CPED1: variants seen among roughly 807,000 people sequenced by gnomAD.
CPED1 encodes the protein cadherin-like and PC-esterase domain-containing protein 1.
In CPED1, 114 loss-of-function variants were observed where a neutral mutation model predicts 128.2. The ratio of observed to expected loss-of-function variants is 0.89; its 90% confidence interval spans 0.76 to 1.04. The LOEUF is 1.04. Among genes scored for constraint, CPED1 ranks in the 50% least tolerant of loss-of-function variants. CPED1 has a pLI of 0.00. For synonymous variants in CPED1, 462 were observed against 426.7 expected, an observed-to-expected ratio of 1.08 and a Z score of -1.02; for missense variants, 1,211 against 1,207.1, an observed-to-expected ratio of 1.00 and a Z score of -0.05.
chr7:121,152,829 T>C (rs1422563210), intron 16 of CPED1, among the ~76,000 whole-genome samples: 1 of 152,192 alleles, frequency 6.6e-6, no homozygotes, highest in Non-Finnish European at 1.5e-5. Context: ...ATGAAGGACT[T>C]TGTAGCATGA....
chr7:121,023,150 A>C (rs535257137), intron 3 of CPED1, among the ~76,000 whole-genome samples: 51 of 152,252 alleles, frequency 3.3e-4, no homozygotes, highest in Non-Finnish European at 7.4e-4. Flanking sequence ...CGTATACTTC[A>C]AGAGGGTTTA....
intron 22 of CPED1, among the ~76,000 whole-genome samples, chr7:121,285,691 G>A (rs777917726): frequency 6.6e-6 from 1 of 152,154 alleles, no homozygotes. Context: ...GACCACCTCA[G>A]CCTGGACTTT....
intron 18 of CPED1, among the ~76,000 whole-genome samples, chr7:121,262,247 A>G (rs897987574): frequency 1.3e-5 from 2 of 152,048 alleles, no homozygotes; most frequent in African/African-American, 2.4e-5. Context: ...CCATGCTTGT[A>G]TAGCCTGCAG....
At chr7:121,279,849 T>C (rs1792420538) in intron 22 of CPED1, among the ~76,000 whole-genome samples, 1 of 152,188 alleles carries the variant, frequency 6.6e-6, no homozygotes, top group Non-Finnish European at 1.5e-5. Flanking sequence ...GAAGGTAAAG[T>C]TGGCGTGTGA....
intron 16 of CPED1, among the ~76,000 whole-genome samples, chr7:121,199,088 A>G (rs757951687): frequency 3.3e-4 from 50 of 152,294 alleles, no homozygotes; most frequent in Middle Eastern, 3.4e-3. Flanking sequence ...TTGCTTTGAA[A>G]TAGGAATTAC....
chr7:121,052,835 G>A (rs966155132), intron 4 of CPED1, among the ~76,000 whole-genome samples: 21 of 151,956 alleles, frequency 1.4e-4, no homozygotes, highest in Admixed American at 1.2e-3. Context: ...TGATTCTCAC[G>A]CTCAGCTTCC....
At chr7:121,013,565 C>T (rs538934051) in intron 2 of CPED1, among the ~76,000 whole-genome samples, 9 of 152,314 alleles carry the variant, frequency 5.9e-5, no homozygotes, top group African/African-American at 2.2e-4. Flanking sequence ...GCGCCTCCTA[C>T]ATAGCAGGCA....
At chr7:121,237,280 T>C (rs1584620907) in intron 17 of CPED1, among the ~76,000 whole-genome samples, 1 of 152,172 alleles carries the variant, frequency 6.6e-6, no homozygotes, top group African/African-American at 2.4e-5. Flanking sequence ...TACTAATTCA[T>C]TTGGCACCAT....
intron 18 of CPED1, among the ~76,000 whole-genome samples, chr7:121,260,848 G>A (rs1791999100): frequency 6.6e-6 from 1 of 152,044 alleles, no homozygotes; most frequent in Admixed American, 6.6e-5. Flanking sequence ...TGTAAATATT[G>A]ACGATAAAAC....
chr7:121,089,943 A>G (rs1440993653), intron 5 of CPED1, among the ~76,000 whole-genome samples: 1 of 152,220 alleles, frequency 6.6e-6, no homozygotes, highest in Non-Finnish European at 1.5e-5. Context: ...TAAAGTAATA[A>G]AACAATCTTT....
chr7:121,266,521 A>G, intron 19 of CPED1, 74 bp downstream of exon 19: 3 of 1,295,498 alleles, frequency 2.3e-6, no homozygotes, highest in East Asian at 2.3e-5. Flanking sequence ...TCACTGCTCA[A>G]CTACTCACTG....
At chr7:121,112,215 T>C (rs114935307) in intron 7 of CPED1, among the ~76,000 whole-genome samples, 323 of 152,324 alleles carry the variant, frequency 2.1e-3, no homozygotes, top group African/African-American at 7.4e-3. Context: ...CATAAGGATA[T>C]GTCCATATCC....
chr7:121,063,731 T>C (rs1419940673), intron 4 of CPED1, among the ~76,000 whole-genome samples: 1 of 152,168 alleles, frequency 6.6e-6, no homozygotes, highest in South Asian at 2.1e-4. Flanking sequence ...TTATAATCTT[T>C]TCAAACTCCA....
intron 3 of CPED1, among the ~76,000 whole-genome samples, chr7:121,016,607 C>T (rs1792307850): frequency 6.6e-6 from 1 of 152,188 alleles, no homozygotes; most frequent in Non-Finnish European, 1.5e-5. Context: ...TCGCATCTTA[C>T]ATCTGGTGTG....
chr7:121,050,262 C>A (rs372877267), intron 4 of CPED1: 1 of 152,286 alleles, frequency 6.6e-6, no homozygotes, highest in Non-Finnish European at 1.5e-5. Context: ...ATTCTGCTTA[C>A]CTGGATTTTA....
chr7:121,256,143 A>C (rs570842718), intron 18 of CPED1, among the ~76,000 whole-genome samples: 4 of 139,760 alleles, frequency 2.9e-5, no homozygotes, highest in South Asian at 4.6e-4. Context: ...AAAAAAAAAC[A>C]AAGCTTATGC....
chr7:121,076,664 CTCT>C (rs1794131715), intron 5 of CPED1: 1 of 152,140 alleles, frequency 6.6e-6, no homozygotes, highest in South Asian at 2.1e-4. Context: ...AGTTTTCTCT[CTCT>C]TCTTATCCAG....
intron 5 of CPED1, among the ~76,000 whole-genome samples, chr7:121,084,767 C>T (rs895708611): frequency 2.0e-5 from 3 of 152,178 alleles, no homozygotes; most frequent in Non-Finnish European, 2.9e-5. Context: ...TTGAGACATT[C>T]AAAAGTTATG....
intron 7 of CPED1, among the ~76,000 whole-genome samples, chr7:121,111,083 G>A (rs1795095788): frequency 6.6e-6 from 1 of 152,114 alleles, no homozygotes; most frequent in African/African-American, 2.4e-5. Context: ...GGAGGAATGG[G>A]AAAGAGAAAT....
Sources: allele counts gnomAD v4.1 joint callset (sites outside exome capture counted in the v4.1 genomes callset), GRCh38; gene constraint gnomAD v4.1.1; transcripts MANE v1.5; gene names NCBI Gene and HGNC (gene_info 2026-07-23, HGNC 2026-07-21).